The following TAFA2 variants were observed in gnomAD, a reference collection of about 807,000 sequenced individuals.
TAFA2 encodes the protein chemokine-like protein TAFA-2.
Under a neutral mutation model 18.8 loss-of-function variants are expected in TAFA2, and 7 were observed. The observed-to-expected ratio is 0.37, with a 90% CI of 0.21 to 0.70. TAFA2 has a LOEUF of 0.70. TAFA2 is among the 30% of genes least tolerant of loss of function. TAFA2 has a pLI of 0.53. For synonymous variants in TAFA2, 60 were observed against 54.2 expected, an observed-to-expected ratio of 1.11 and a Z score of -0.47; for missense variants, 122 against 158.1, an observed-to-expected ratio of 0.77 and a Z score of 1.23.
Position 61,877,683 on chromosome 12 carries a change from G to A in TAFA2, c.-1-10257C>T, listed in dbSNP as rs530683289. On this transcript the variant is annotated intron_variant, in intron 1 of 4. Coordinates refer to ENST00000416284, the MANE Select transcript of TAFA2 (RefSeq NM_178539.5). The stretch of plus-strand genomic sequence containing the variant: ...CATTACTTCAATTGCTAGGAAGAAG[G>A]ATTCAGGACACATCAGATATAATAC... 7.2e-5 allele frequency among the ~76,000 whole-genome samples: 11 copies of A among 152,154 alleles called. No individual in the cohort carries two copies. The South Asian group carries it at 2.3e-3, about 32-fold the overall frequency.
At chr12:61,784,147 A>C (rs1870625660) in intron 2 of TAFA2, among the ~76,000 whole-genome samples, 1 of 151,560 alleles carries the variant, frequency 6.6e-6, no homozygotes. Flanking sequence ...AAAGGATATA[A>C]TCTAATTATT....
At chr12:61,899,421 A>G (rs1223365062) in intron 1 of TAFA2, among the ~76,000 whole-genome samples, 1 of 152,224 alleles carries the variant, frequency 6.6e-6, no homozygotes, top group Non-Finnish European at 1.5e-5. Flanking sequence ...ATAGTTCCAC[A>G]TGGCTGAGGA....
At chr12:62,174,877 A>G (rs1414380202) in intron 1 of TAFA2, among the ~76,000 whole-genome samples, 3 of 152,238 alleles carry the variant, frequency 2.0e-5, no homozygotes, top group South Asian at 2.1e-4. Flanking sequence ...AGCACTTATC[A>G]TAATTTGCAG....
At chr12:61,803,227 C>T (rs1194934530) in intron 2 of TAFA2, among the ~76,000 whole-genome samples, 2 of 151,832 alleles carry the variant, frequency 1.3e-5, no homozygotes, top group Non-Finnish European at 2.9e-5. Flanking sequence ...AGCATGCCTG[C>T]TGTTTCTGCT....
At chr12:61,962,194 A>G (rs1469588242) in intron 1 of TAFA2, among the ~76,000 whole-genome samples, 1 of 151,994 alleles carries the variant, frequency 6.6e-6, no homozygotes. Flanking sequence ...TCATATTTTA[A>G]CCTAAATCCC....
chr12:61,962,990 C>T (rs1304517200), intron 1 of TAFA2, among the ~76,000 whole-genome samples: 1 of 152,028 alleles, frequency 6.6e-6, no homozygotes, highest in African/African-American at 2.4e-5. Context: ...CTTTTCTGTT[C>T]CCGTCTTAGT....
intron 1 of TAFA2, among the ~76,000 whole-genome samples, chr12:62,033,260 T>A (rs1881508791): frequency 6.6e-6 from 1 of 152,208 alleles, no homozygotes; most frequent in Non-Finnish European, 1.5e-5. Context: ...TGGGGCTTTT[T>A]CATGAACATA....
At chr12:61,753,574 C>G (rs749118542) in intron 4 of TAFA2, 48 bp downstream of exon 4, 10 of 1,580,780 alleles carry the variant, frequency 6.3e-6, no homozygotes, top group Middle Eastern at 1.7e-4. Flanking sequence ...GCTCCGTTCT[C>G]TATTAATTCA....
At chr12:61,823,429 T>A (rs1162492424) in intron 2 of TAFA2, among the ~76,000 whole-genome samples, 1 of 152,170 alleles carries the variant, frequency 6.6e-6, no homozygotes, top group African/African-American at 2.4e-5. Flanking sequence ...CAGTATACTA[T>A]ATTTAGCTGA....
intron 1 of TAFA2, among the ~76,000 whole-genome samples, chr12:62,013,476 A>C (rs1386448001): frequency 6.6e-6 from 1 of 152,202 alleles, no homozygotes; most frequent in Admixed American, 6.5e-5. Context: ...AGTTAATAGT[A>C]AGTCTAAAAT....
At chr12:62,029,811 A>C (rs1453043609) in intron 1 of TAFA2, among the ~76,000 whole-genome samples, 7 of 146,016 alleles carry the variant, frequency 4.8e-5, no homozygotes, top group Non-Finnish European at 7.5e-5. Context: ...ATGTCTTCCT[A>C]TCTCTCTCTC....
intron 1 of TAFA2, among the ~76,000 whole-genome samples, chr12:61,948,343 G>T (rs1208722843): frequency 6.6e-6 from 1 of 152,112 alleles, no homozygotes; most frequent in Non-Finnish European, 1.5e-5. Context: ...TTTGAGATCT[G>T]AAGTAAGCAT....
At chr12:61,922,096 G>A (rs1471861007) in intron 1 of TAFA2, among the ~76,000 whole-genome samples, 2 of 141,470 alleles carry the variant, frequency 1.4e-5, no homozygotes, top group African/African-American at 3.1e-5. Context: ...GACCAGATTC[G>A]ATTTTGTGTA....
At chr12:61,999,904 G>C (rs1208959586) in intron 1 of TAFA2, among the ~76,000 whole-genome samples, 1 of 152,166 alleles carries the variant, frequency 6.6e-6, no homozygotes, top group Non-Finnish European at 1.5e-5. Context: ...GAAAGAGGTA[G>C]CATCTTGGCT....
intron 1 of TAFA2, among the ~76,000 whole-genome samples, chr12:62,168,178 T>C (rs771652718): frequency 1.4e-4 from 22 of 152,182 alleles, no homozygotes; most frequent in Admixed American, 3.9e-4. Flanking sequence ...TTTATAGAGA[T>C]AGTCTCACCA....
At chr12:61,794,772 C>A (rs888726171) in intron 2 of TAFA2, among the ~76,000 whole-genome samples, 2 of 152,014 alleles carry the variant, frequency 1.3e-5, no homozygotes, top group African/African-American at 4.8e-5. Context: ...CAAAAGAAAC[C>A]ACCATCAGAG....
chr12:62,072,299 CTAAAAA>C (rs1236220264), intron 1 of TAFA2, among the ~76,000 whole-genome samples: 1 of 151,656 alleles, frequency 6.6e-6, no homozygotes, highest in Non-Finnish European at 1.5e-5. Flanking sequence ...CCCATCTCTA[CTAAAAA>C]TAAAAATAAA....
intron 2 of TAFA2, among the ~76,000 whole-genome samples, chr12:61,839,781 A>G (rs1039228918): frequency 1.3e-5 from 2 of 152,052 alleles, no homozygotes; most frequent in African/African-American, 4.8e-5. Context: ...TATGTTCACT[A>G]CTTGGGCAAA....
intron 1 of TAFA2, among the ~76,000 whole-genome samples, chr12:62,086,365 T>C (rs1227858594): frequency 6.6e-6 from 1 of 152,034 alleles, no homozygotes; most frequent in African/African-American, 2.4e-5. Context: ...AGACAACCCA[T>C]AAAATGAGAC....
Sources: allele counts gnomAD v4.1 joint callset (sites outside exome capture counted in the v4.1 genomes callset), GRCh38; gene constraint gnomAD v4.1.1; transcripts MANE v1.5; gene names NCBI Gene and HGNC (gene_info 2026-07-23, HGNC 2026-07-21).